WNK3: variants seen among roughly 807,000 people sequenced by gnomAD.
The protein encoded by WNK3 is serine/threonine-protein kinase WNK3.
In WNK3, 18 loss-of-function variants were observed where a neutral mutation model predicts 116.7. The ratio of observed to expected loss-of-function variants is 0.15; its 90% CI spans 0.11 to 0.23. The LOEUF (loss-of-function observed/expected upper bound fraction) is 0.23. WNK3 is among the 10% of genes least tolerant of loss of function. The pLI is 1.00. For synonymous variants in WNK3, 404 were observed against 469.4 expected (o/e 0.86, Z 1.80); for missense variants, 993 against 1,323.8 (o/e 0.75, Z 3.88).
chrX:54,252,469 A>G (rs1003841483), intron 13 of WNK3, among the ~76,000 whole-genome samples: 6 of 111,155 alleles, frequency 5.4e-5, no homozygotes, highest in African/African-American at 2.0e-4. Flanking sequence ...CAGGAGTTCG[A>G]GACCAGCCTG....
intron 2 of WNK3, among the ~76,000 whole-genome samples, chrX:54,316,496 C>T (rs186378812): frequency 6.0e-4 from 61 of 102,313 alleles, no homozygotes; most frequent in Admixed American, 5.6e-3. Flanking sequence ...GCTGAGATCA[C>T]GCCACCGCAC....
At chrX:54,336,932 G>A (rs1415202056) in intron 1 of WNK3, among the ~76,000 whole-genome samples, 2 of 111,549 alleles carry the variant, frequency 1.8e-5, no homozygotes, top group Admixed American at 1.9e-4. Flanking sequence ...CTGAACTCAT[G>A]AAGGTCTCTA....
intron 10 of WNK3, among the ~76,000 whole-genome samples, chrX:54,286,746 C>T (rs782529219): frequency 9.2e-6 from 1 of 109,278 alleles, no homozygotes; most frequent in East Asian, 2.9e-4. Flanking sequence ...ATCCCTCTCT[C>T]TACTAAAAAT....
intron 2 of WNK3, among the ~76,000 whole-genome samples, chrX:54,327,147 A>G (rs1469063303): frequency 1.8e-5 from 2 of 112,440 alleles, no homozygotes; most frequent in African/African-American, 6.4e-5. Flanking sequence ...GTTTGTTTTC[A>G]ACATCCTCAA....
chrX:54,278,245 A>G (rs1283542132), intron 10 of WNK3, among the ~76,000 whole-genome samples: 1 of 111,126 alleles, frequency 9.0e-6, no homozygotes, highest in African/African-American at 3.3e-5. Context: ...TAAATAAATG[A>G]AGAGACATAT....
At chrX:54,317,858 T>C (rs1311207923) in intron 2 of WNK3, among the ~76,000 whole-genome samples, 2 of 108,805 alleles carry the variant, frequency 1.8e-5, no homozygotes, top group Admixed American at 9.9e-5. Flanking sequence ...GGTCTCGATC[T>C]TCTGACCTCG....
upstream of WNK3, among the ~76,000 whole-genome samples, chrX:54,358,225 G>GATGCGCGTCGAGGAGAAAGGC (rs1408807782): frequency 9.0e-6 from 1 of 111,240 alleles, no homozygotes; most frequent in Non-Finnish European, 1.9e-5. Flanking sequence ...GGGAGAGAGG[G>GATGCGCGTCGAGGAGAAAGGC]ATGCGCGTCG....
intron 10 of WNK3, among the ~76,000 whole-genome samples, chrX:54,288,261 T>C (rs781813248): frequency 8.9e-6 from 1 of 111,782 alleles, no homozygotes; most frequent in Non-Finnish European, 1.9e-5. Context: ...CAGTTGCAAC[T>C]GTTCTTGCAA....
chrX:54,225,620 CAA>C (rs781823865), intron 22 of WNK3, among the ~76,000 whole-genome samples: 15 of 50,881 alleles, frequency 2.9e-4, no homozygotes, highest in East Asian at 6.4e-4. Context: ...GACTCTGTTT[CAA>C]AAAAAAAAAA....
chrX:54,357,819 G>A (rs1350849549), exon 1 of WNK3: 1 of 112,909 alleles, frequency 8.9e-6, no homozygotes, highest in Non-Finnish European at 1.9e-5. Context: ...CCTCCTCCTC[G>A]ATCGCCTCCT....
At position 54,326,962 on chromosome X, in the gene WNK3, G is replaced by A. The variant is rs112601988; in HGVS notation, c.537+6175C>T. 5.5e-3 allele frequency among the ~76,000 whole-genome samples: 612 copies of A among 111,351 alleles called. 4 individuals are homozygous for A. The highest frequency in any genetic ancestry group is 0.019 in the African/African-American group (580 of 30,749). ...GATCATGCCACTAGGAAGTCTGAGC[G>A]GGGAAGACTGATGGAGCATAGGAGT... is the stretch of plus-strand genomic sequence containing the variant. On this transcript the variant is annotated intron_variant, in intron 2 of 23. Coordinates refer to ENST00000354646, the Ensembl canonical transcript of WNK3.
At chrX:54,311,672 A>AT (rs2068888791) in intron 2 of WNK3, among the ~76,000 whole-genome samples, 1 of 112,281 alleles carries the variant, frequency 8.9e-6, no homozygotes, top group Non-Finnish European at 1.9e-5. Flanking sequence ...AACAATAAAA[A>AT]TGTTAAACAT....
chrX:54,292,768 C>A, intron 10 of WNK3, 120 bp downstream of exon 10: 2 of 572,965 alleles, frequency 3.5e-6, no homozygotes, highest in South Asian at 3.6e-5. Flanking sequence ...CAACTTTTAG[C>A]TTTTGGTGAC....
chrX:54,279,333 A>G (rs2068488097), intron 10 of WNK3, among the ~76,000 whole-genome samples: 1 of 111,487 alleles, frequency 9.0e-6, no homozygotes, highest in Admixed American at 9.6e-5. Flanking sequence ...GCAGTTTATA[A>G]TGTATGTAGA....
At chrX:54,222,766 A>T (rs1053427139) in intron 22 of WNK3, among the ~76,000 whole-genome samples, 2 of 103,463 alleles carry the variant, frequency 1.9e-5, no homozygotes, top group Non-Finnish European at 3.9e-5. Context: ...AGTCCCAACT[A>T]CTTGGGAGGC....
At chrX:54,304,867 T>C (rs1256347418) in intron 5 of WNK3, among the ~76,000 whole-genome samples, 1 of 111,611 alleles carries the variant, frequency 9.0e-6, no homozygotes, top group Non-Finnish European at 1.9e-5. Context: ...CTGGGCACAG[T>C]GGCCCACACC....
chrX:54,249,661 G>A (rs781827581), intron 16 of WNK3, 27 bp from the exon 17 acceptor site: 1 of 1,163,773 alleles, frequency 8.6e-7, no homozygotes, highest in South Asian at 1.9e-5. Context: ...GAATGGCTAA[G>A]CACGTACTGA....
intron 10 of WNK3, among the ~76,000 whole-genome samples, chrX:54,263,620 A>G (rs2068279696): frequency 8.9e-6 from 1 of 111,931 alleles, no homozygotes; most frequent in Admixed American, 9.6e-5. Context: ...AAAAAGAACC[A>G]AAGCTGGGCG....
At chrX:54,322,209 T>C (rs1209167868) in intron 2 of WNK3, among the ~76,000 whole-genome samples, 1 of 111,741 alleles carries the variant, frequency 8.9e-6, no homozygotes, top group African/African-American at 3.2e-5. Context: ...GTTCCGACTC[T>C]ATAAGCACCA....
Sources: gnomAD v4.1 joint callset for allele counts (sites outside exome capture counted in the v4.1 genomes callset) on GRCh38, gnomAD v4.1.1 for gene constraint, MANE v1.5 for transcripts, NCBI Gene and HGNC (gene_info 2026-07-23, HGNC 2026-07-21) for gene names.